The following ITGAM variants were observed in gnomAD, a reference collection of about 807,000 sequenced individuals.
ITGAM encodes integrin subunit alpha M.
In ITGAM, 79 loss-of-function variants were observed where a neutral mutation model predicts 137.5. The ratio of observed to expected loss-of-function variants is 0.57; its 90% CI spans 0.48 to 0.69. ITGAM has a LOEUF of 0.69. Ranked by LOEUF, ITGAM falls within the 30% of genes least tolerant of loss-of-function variation. The pLI is 0.00. For synonymous variants in ITGAM, 583 were observed against 592.3 expected (o/e 0.98, Z 0.23); for missense variants, 1,343 against 1,483.5 (o/e 0.91, Z 1.56).
In ITGAM at chr16:31,297,733, T is replaced by G. The variant is rs993160726; in HGVS notation, c.1498-12T>G. The G allele has an allele frequency of 1.9e-6, 3 of 1,595,530 alleles. No homozygotes were observed. Among genetic ancestry groups the G allele is most frequent in the Non-Finnish European group, 2.6e-6 (3 of 1,172,600 alleles). On this transcript the variant is annotated splice_polypyrimidine_tract_variant and intron_variant, in intron 13 of 29. Coordinates refer to ENST00000544665, the MANE Select transcript of ITGAM (RefSeq NM_000632.4). The stretch of plus-strand genomic sequence containing the variant: ...GCCTGGGTTGGGGCCTGATACTGTT[T>G]GTGTTTAGCAGAGGGCTCGGTGGCA...
Position 31,324,370 on chromosome 16 carries a change from C to T in ITGAM, c.2003-29C>T, listed in dbSNP as rs552701845. ...CTGCCGGGTTCCGAGGCTCAGGCCC[C>T]TCACTGCTGTGCCACCCTGTCCCTT... On this transcript the variant is annotated intron_variant, in intron 16 of 29. Coordinates refer to ENST00000544665, the MANE Select transcript of ITGAM (RefSeq NM_000632.4). This position sits in a 1 kb window ranked among gnomAD's most constrained non-coding sequence, Gnocchi z 4.5. The T allele has an allele frequency of 6.5e-7, 1 of 1,548,222 alleles. No individual in the cohort carries two copies. The highest frequency in any genetic ancestry group is 2.4e-5 in the East Asian group (1 of 40,848).
rs1322045696 is a variant in ITGAM, at chr16:31,266,123, C to T, written c.403C>T (p.Gln135Ter). The T allele has an allele frequency of 6.2e-7, 1 of 1,613,724 alleles. No homozygotes were observed. Among genetic ancestry groups the T allele is most frequent in the Non-Finnish European group, 8.5e-7 (1 of 1,179,812 alleles). Reference protein sequence around the residue: ...LFGSNLRQQPQKFPEALRGCP... With the variant: ...LFGSNLRQQP ...TGGATCCAACCTACGGCAGCAGCCC[C>T]AGAAGTTCCCAGAGGCCCTCCGAGG... Residue 135 changes from glutamine (Q) to a stop codon, truncating the protein, a stop_gained, in exon 5 of 30, where the codon CAG becomes TAG. Coordinates refer to ENST00000544665, the MANE Select transcript of ITGAM (RefSeq NM_000632.4). LOFTEE classifies it high-confidence loss of function.
At chr16:31,284,113 C>A (rs1375212286) in intron 12 of ITGAM, among the ~76,000 whole-genome samples, 1 of 152,178 alleles carries the variant, frequency 6.6e-6, no homozygotes, top group Non-Finnish European at 1.5e-5. Flanking sequence ...GGGCACCCAG[C>A]CGTATGAGGT....
chr16:31,329,758 G>T (rs904642412), intron 24 of ITGAM, 40 bp from the exon 25 acceptor site: 26 of 1,514,424 alleles, frequency 1.7e-5, no homozygotes, highest in Non-Finnish European at 2.2e-5. Context: ...GCTGGTGGGG[G>T]AGGAAGGCCA....
At chr16:31,297,466 C>T (rs760463866) in intron 12 of ITGAM, 48 bp from the exon 13 acceptor site, 4 of 1,608,396 alleles carry the variant, frequency 2.5e-6, no homozygotes, top group Non-Finnish European at 3.4e-6. Flanking sequence ...ACCTCCACAT[C>T]TGCTTTAGGT....
At chr16:31,270,735 A>ATG in intron 5 of ITGAM, among the ~76,000 whole-genome samples, 1 of 112,814 alleles carries the variant, frequency 8.9e-6, no homozygotes, top group African/African-American at 3.8e-5. Flanking sequence ...ATATATATAT[A>ATG]TATATATATG....
At chr16:31,328,977 T>C in intron 23 of ITGAM, 5 of 581,632 alleles carry the variant, frequency 8.6e-6, no homozygotes, top group East Asian at 2.9e-5. Flanking sequence ...TCTGAGGGTC[T>C]GTGTGCATGT....
intron 23 of ITGAM, among the ~76,000 whole-genome samples, chr16:31,328,501 TGTGA>T (rs985310750): frequency 4.0e-5 from 6 of 151,592 alleles, no homozygotes; most frequent in East Asian, 1.9e-4. Flanking sequence ...TATTTGTGGA[TGTGA>T]GTGTGATCTA....
intron 5 of ITGAM, among the ~76,000 whole-genome samples, chr16:31,270,744 T>TATATATA (rs1567248965): frequency 4.7e-5 from 5 of 106,106 alleles, no homozygotes; most frequent in African/African-American, 2.0e-4. Flanking sequence ...TATATATATA[T>TATATATA]GTTTTTAACG....
At position 31,331,919 on chromosome 16, in the gene ITGAM, A is replaced by C; in HGVS notation, c.*212A>C. 1 of 554,916 alleles carries C rather than the reference A, an allele frequency of 1.8e-6. No homozygotes were observed. Among genetic ancestry groups the C allele is most frequent in the East Asian group, 3.1e-5 (1 of 31,934 alleles). 34.4% of individuals were successfully genotyped at this position (554,916 alleles called of 1,614,324 possible). Reference sequence around the variant, plus strand: ...CATGTGTGCGTGTGCGTGCATGTGCACTTGCACGCCCATGTGTGAGTGTGT... The same window carrying C: ...CATGTGTGCGTGTGCGTGCATGTGCCCTTGCACGCCCATGTGTGAGTGTGT... On this transcript the variant is annotated 3_prime_UTR_variant, in exon 30 of 30. Coordinates refer to ENST00000544665, the MANE Select transcript of ITGAM (RefSeq NM_000632.4).
At chr16:31,319,961 C>T (rs1301455575) in intron 14 of ITGAM, among the ~76,000 whole-genome samples, 2 of 152,076 alleles carry the variant, frequency 1.3e-5, no homozygotes, top group Admixed American at 1.3e-4. Context: ...TACAGGTGCC[C>T]ACCACCTCTC....
chr16:31,330,117 C>A lies in ITGAM; in HGVS notation c.3013C>A (p.Pro1005Thr). ...TACGTGCCACACCAAGGAGCGCTTG[C>A]CCTCTCACTCCGACTTTCTGGCTGA... The part of the protein sequence containing the change: ...SSTCHTKERL[P>T]SHSDFLAELR... Residue 1005 changes from proline (P) to threonine (T), a missense_variant, in exon 26 of 30, where the codon CCC becomes ACC. By Grantham distance (38) the Pro-to-Thr change is conservative (BLOSUM62 -1). Coordinates refer to ENST00000544665, the MANE Select transcript of ITGAM (RefSeq NM_000632.4). 1 of 1,613,790 alleles carries A rather than the reference C, an allele frequency of 6.2e-7. No individual in the cohort carries two copies.
rs2079850545 is a variant in ITGAM, at chr16:31,272,422, A to AGT, written c.704+430_704+431insGT. Among the ~76,000 whole-genome samples, 140 of 48,962 alleles carry AGT rather than the reference A, an allele frequency of 2.9e-3. 10 individuals are homozygous for AGT. The highest frequency in any genetic ancestry group is 0.01 in the African/African-American group (137 of 13,656). 32.1% of individuals were successfully genotyped at this position (48,962 alleles called of 152,430 possible). On this transcript the variant is annotated intron_variant, in intron 7 of 29. Coordinates refer to ENST00000544665, the MANE Select transcript of ITGAM (RefSeq NM_000632.4). ...GGAGAGGTTTCCTGAAGGCCAATTA[A>AGT]CTATATATATATATATATATATATA...
intron 23 of ITGAM, 150 bp from the exon 24 acceptor site, chr16:31,329,078 C>CA: frequency 4.1e-6 from 2 of 493,268 alleles, no homozygotes. Context: ...TTGGTTCCCC[C>CA]ATCCCCCTGC....
intron 16 of ITGAM, among the ~76,000 whole-genome samples, chr16:31,322,354 G>GA (rs2080459347): frequency 6.6e-6 from 1 of 152,176 alleles, no homozygotes; most frequent in South Asian, 2.1e-4. Context: ...CCAGATATGA[G>GA]AGCAGCCAGC....
At position 31,332,634 on chromosome 16, in the gene ITGAM, T is replaced by TTTTAC. The variant is rs58384006; in HGVS notation, c.*928_*932dup. On this transcript the variant is annotated 3_prime_UTR_variant, in exon 30 of 30. Transcript: ENST00000544665. ...ACCACACATACACACACACAAGCTT[T>TTTTAC]TTTACACAAATGGTAGCATACTTTA... The TTTTAC allele has an allele frequency of 0.16, 24,745 of 152,198 alleles. 2,162 individuals are homozygous for TTTTAC. The highest frequency in any genetic ancestry group is 0.21 in the African/African-American group (8,763 of 41,498). The allele number at this position is 152,198 out of a possible 1,614,324, so 9.4% of individuals were successfully genotyped here. A position where few individuals can be genotyped will look rare whatever the true frequency, so the allele number is the denominator to read the frequency against.
intron 12 of ITGAM, among the ~76,000 whole-genome samples, chr16:31,278,932 T>C (rs997725975): frequency 6.6e-6 from 1 of 152,124 alleles, no homozygotes; most frequent in Non-Finnish European, 1.5e-5. Flanking sequence ...GTTCCCTACC[T>C]GGTGTCCAAG....
intron 2 of ITGAM, among the ~76,000 whole-genome samples, chr16:31,263,387 C>T (rs184002745): frequency 2.7e-4 from 41 of 152,322 alleles, no homozygotes; most frequent in African/African-American, 4.3e-4. Context: ...GTGGTATCCA[C>T]GGGTGCATGA....
intron 22 of ITGAM, chr16:31,327,925 T>G (rs945922070): frequency 1.8e-6 from 1 of 551,946 alleles, no homozygotes; most frequent in Non-Finnish European, 3.3e-6. Context: ...TGGGAGCAGG[T>G]GTGAATTCAG....
Sources: gnomAD v4.1 joint callset for allele counts (sites outside exome capture counted in the v4.1 genomes callset) on GRCh38, gnomAD v4.1.1 for gene constraint, Gnocchi (gnomAD v3.1) non-coding constraint, MANE v1.5 for transcripts, NCBI Gene and HGNC (gene_info 2026-07-23, HGNC 2026-07-21) for gene names.